The following BTBD10 variants were observed in gnomAD, a reference collection of about 807,000 sequenced individuals.
BTBD10 encodes the protein BTB domain containing 10, also known as BTB/POZ domain-containing protein 10.
Under a neutral mutation model 53.2 loss-of-function variants are expected in BTBD10, and 21 were observed. The ratio of observed to expected loss-of-function variants is 0.39; its 90% CI spans 0.28 to 0.57. The LOEUF (loss-of-function observed/expected upper bound fraction) is 0.57. BTBD10 is among the 20% of genes least tolerant of loss of function. The pLI is 0.53. For missense variants in BTBD10, 360 were observed against 594.7 expected (o/e 0.61, Z 4.10); for synonymous variants, 149 against 192.7 (o/e 0.77, Z 1.88).
intron 2 of BTBD10, among the ~76,000 whole-genome samples, chr11:13,436,605 ATAGT>A (rs1451346571): frequency 1.3e-5 from 2 of 152,226 alleles, no homozygotes; most frequent in Non-Finnish European, 2.9e-5. Flanking sequence ...CTGAAATCAT[ATAGT>A]TAATTAAGTG....
intron 1 of BTBD10, among the ~76,000 whole-genome samples, chr11:13,445,889 A>G (rs1950741996): frequency 6.6e-6 from 1 of 152,162 alleles, no homozygotes; most frequent in Non-Finnish European, 1.5e-5. Context: ...TTTAAACCAC[A>G]TTCACTATCC....
chr11:13,437,316 C>A (rs1228318075), intron 2 of BTBD10, among the ~76,000 whole-genome samples: 2 of 152,158 alleles, frequency 1.3e-5, no homozygotes, highest in East Asian at 3.9e-4. Flanking sequence ...ACCCTCAGGT[C>A]TTTTTCATAT....
At chr11:13,404,750 A>G (rs535844631) in intron 7 of BTBD10, 60 of 248,222 alleles carry the variant, frequency 2.4e-4, no homozygotes, top group African/African-American at 1.2e-3. Flanking sequence ...AAATATCTCA[A>G]TGCAAACTCT....
intron 1 of BTBD10, among the ~76,000 whole-genome samples, chr11:13,453,547 CTTGT>C (rs1950906235): frequency 6.6e-6 from 1 of 152,078 alleles, no homozygotes; most frequent in African/African-American, 2.4e-5. Flanking sequence ...AATTTTCTTC[CTTGT>C]TTAATTTTAC....
At chr11:13,443,152 GC>G (rs1287433645) in intron 2 of BTBD10, among the ~76,000 whole-genome samples, 1 of 151,992 alleles carries the variant, frequency 6.6e-6, no homozygotes, top group African/African-American at 2.4e-5. Context: ...TACTCCAGAG[GC>G]TGAGGAGGGA....
At chr11:13,439,369 T>C (rs1950605378) in intron 2 of BTBD10, among the ~76,000 whole-genome samples, 1 of 152,154 alleles carries the variant, frequency 6.6e-6, no homozygotes, top group Non-Finnish European at 1.5e-5. Flanking sequence ...ATTCAGTTTC[T>C]GGGTTCTTTG....
rs112524350 is a variant in BTBD10 at position 13,435,907 on chromosome 11, C to T, written c.101+9117G>A. ...TCCCCACTATGCCTTTTATTCAATCCTAAGTATCAAAAATAAAAATCTATA... is the reference window on the plus strand; with the variant it reads ...TCCCCACTATGCCTTTTATTCAATCTTAAGTATCAAAAATAAAAATCTATA... On this transcript the variant is annotated intron_variant, in intron 2 of 8. Transcript: ENST00000278174. Among the ~76,000 whole-genome samples, 10 of 152,236 alleles carry T rather than the reference C, an allele frequency of 6.6e-5. 3 individuals carry two copies. Among genetic ancestry groups the T allele is most frequent in the African/African-American group, 2.2e-4 (9 of 41,532 alleles).
intron 8 of BTBD10, among the ~76,000 whole-genome samples, chr11:13,398,219 G>A (rs550878503): frequency 6.6e-6 from 1 of 152,166 alleles, no homozygotes; most frequent in Non-Finnish European, 1.5e-5. Flanking sequence ...TATGAATCTG[G>A]GTGCTCCTCT....
intron 1 of BTBD10, among the ~76,000 whole-genome samples, chr11:13,446,113 G>A (rs1317901088): frequency 6.6e-6 from 1 of 152,150 alleles, no homozygotes. Context: ...TTGACTTTCA[G>A]AAATTGCAGA....
In BTBD10 at chr11:13,445,062, T is replaced by C. The variant is rs2134032296; in HGVS notation, c.63A>G (p.Lys21=). The C allele has an allele frequency of 6.2e-7, 1 of 1,613,262 alleles. No homozygotes were observed. The highest frequency in any genetic ancestry group is 8.5e-7 in the Non-Finnish European group (1 of 1,179,408). Residue 21 remains lysine, a synonymous_variant, in exon 2 of 9, where the codon AAA becomes AAG. Coordinates refer to ENST00000278174, the MANE Select transcript of BTBD10 (RefSeq NM_032320.7). ...NSSDPENWDR[K]LHSRPRKLYK... is the part of the protein sequence containing the mutation. ...AAAGTTTACGAGGTCTACTATGCAA[T>C]TTCCGATCCCAATTCTCTGGATCAC...
chr11:13,399,739 T>C (rs1300132930), intron 8 of BTBD10, among the ~76,000 whole-genome samples: 1 of 152,202 alleles, frequency 6.6e-6, no homozygotes, highest in East Asian at 1.9e-4. Context: ...TGGATGTCCT[T>C]TCTGTTTGTT....
chr11:13,402,665 G>A (rs778839887), intron 8 of BTBD10, among the ~76,000 whole-genome samples: 1 of 152,134 alleles, frequency 6.6e-6, no homozygotes, highest in East Asian at 1.9e-4. Flanking sequence ...AAAACTCTGT[G>A]CATTTACATA....
rs1950246405 is a variant in BTBD10, at chr11:13,421,777, T to C, written c.163A>G (p.Ser55Gly). 6.2e-7 allele frequency: 1 copy of C among 1,613,962 alleles called. No homozygotes were observed. The highest frequency in any genetic ancestry group is 8.5e-7 in the Non-Finnish European group (1 of 1,179,966). ...DHTKMSLHGASGGHERSRDRR... is the reference protein window; with the variant it reads ...DHTKMSLHGAGGGHERSRDRR... ...TCTCTTGATCTCTCATGTCCCCCAC[T>C]AGCACCATGTAGACTCATTTTGGTG... The change falls in exon 3 of 9, where the codon AGT (serine) becomes GGT (glycine). Residue 55 changes from serine (S) to glycine (G), a missense_variant. Ser to Gly is a moderately conservative substitution (Grantham distance 56). Around this residue, in one of 6 missense-constraint regions of BTBD10, gnomAD observed 81 missense variants for 82.6 expected, o/e 0.98. Coordinates refer to ENST00000278174, the MANE Select transcript of BTBD10 (RefSeq NM_032320.7).
rs189477536 is a variant in BTBD10, at chr11:13,437,010, T to G, written c.101+8014A>C. On this transcript the variant is annotated intron_variant, in intron 2 of 8. Transcript: ENST00000278174. ...GTTGTCCAGGCTGGTCTCAAACTCC[T>G]GGCCTCAAGCAACCCGCACGCCTCA... 3.2e-4 allele frequency among the ~76,000 whole-genome samples: 48 copies of G among 152,314 alleles called. No individual in the cohort carries two copies. The East Asian group carries it at 5.6e-3, about 18-fold the overall frequency.
At chr11:13,426,384 A>C (rs376778927) in intron 2 of BTBD10, among the ~76,000 whole-genome samples, 8 of 152,268 alleles carry the variant, frequency 5.3e-5, no homozygotes, top group African/African-American at 1.9e-4. Flanking sequence ...TCCTTCAGGC[A>C]GAAAAAAAAG....
chr11:13,440,677 A>T (rs1474318291), intron 2 of BTBD10, among the ~76,000 whole-genome samples: 1 of 152,162 alleles, frequency 6.6e-6, no homozygotes, highest in African/African-American at 2.4e-5. Context: ...GTCTCAGGAG[A>T]AACGAGCATG....
chr11:13,424,335 A>C (rs1031297809), intron 2 of BTBD10, among the ~76,000 whole-genome samples: 16 of 152,230 alleles, frequency 1.1e-4, no homozygotes, highest in African/African-American at 3.9e-4. Context: ...CTGAAAGACT[A>C]GACACTGCTA....
chr11:13,438,966 G>T (rs1317541362), intron 2 of BTBD10, among the ~76,000 whole-genome samples: 1 of 151,814 alleles, frequency 6.6e-6, no homozygotes, highest in Non-Finnish European at 1.5e-5. Context: ...ACCACGAACA[G>T]AACTATATAA....
intron 8 of BTBD10, among the ~76,000 whole-genome samples, chr11:13,400,019 GC>G (rs1949671791): frequency 6.6e-6 from 1 of 152,220 alleles, no homozygotes; most frequent in Non-Finnish European, 1.5e-5. Context: ...GAGGCAGTCT[GC>G]CCGTTCTCAG....
Sources: gnomAD v4.1 joint callset for allele counts (sites outside exome capture counted in the v4.1 genomes callset) on GRCh38, gnomAD v4.1.1 for gene constraint, gnomAD v4.1.1 regional missense constraint, MANE v1.5 for transcripts, NCBI Gene and HGNC (gene_info 2026-07-23, HGNC 2026-07-21) for gene names.